PKIA: variants seen among roughly 807,000 people sequenced by gnomAD.
PKIA encodes PKI-alpha.
PKIA carries 4 observed loss-of-function variants against 7.6 expected under a neutral mutation model. The ratio of observed to expected loss-of-function variants is 0.52; its 90% CI spans 0.26 to 1.20. The LOEUF is 1.20. Ranked by LOEUF, PKIA falls within the 50% of genes most tolerant of loss-of-function variation. PKIA has a pLI of 0.13. For missense variants in PKIA, 73 were observed against 86.2 expected (o/e 0.85, Z 0.61); for synonymous variants, 21 against 30.7 (o/e 0.68, Z 1.04).
intron 2 of PKIA, among the ~76,000 whole-genome samples, chr8:78,596,428 C>CG (rs113714470): frequency 0.081 from 12,347 of 151,874 alleles, 534 homozygotes; most frequent in Middle Eastern, 0.096. Flanking sequence ...TTAGTAGAGA[C>CG]GGATTTCACC....
At chr8:78,593,838 G>A (rs1049245928) in intron 2 of PKIA, among the ~76,000 whole-genome samples, 1 of 152,104 alleles carries the variant, frequency 6.6e-6, no homozygotes, top group African/African-American at 2.4e-5. Flanking sequence ...GAATTATCTG[G>A]TACTCAGGTC....
intron 1 of PKIA, among the ~76,000 whole-genome samples, chr8:78,572,573 AAT>A (rs1315840492): frequency 2.0e-5 from 3 of 151,194 alleles, no homozygotes; most frequent in African/African-American, 7.3e-5. Flanking sequence ...ACACACACAC[AAT>A]TAATTAACAA....
At position 78,552,269 on chromosome 8, in the gene PKIA, A is replaced by C. The variant is rs190717083; in HGVS notation, c.-156-20542A>C. On this transcript the variant is annotated intron_variant, in intron 1 of 3. Coordinates refer to ENST00000396418, the MANE Select transcript of PKIA (RefSeq NM_006823.4). ...AATCTACTGAATAAAAGAAATATCT[A>C]TTTTTCTAACAATTCTTTGAAATCC... 3.4e-5 allele frequency among the ~76,000 whole-genome samples: 5 copies of C among 148,460 alleles called. No individual in the cohort carries two copies. The Admixed American group carries it at 3.4e-4, about 10-fold the overall frequency.
chr8:78,588,208 A>C (rs1280074411), intron 2 of PKIA, among the ~76,000 whole-genome samples: 2 of 152,214 alleles, frequency 1.3e-5, no homozygotes, highest in Admixed American at 6.5e-5. Context: ...CAATAGGAGA[A>C]TACCAAGAGC....
intron 1 of PKIA, among the ~76,000 whole-genome samples, chr8:78,527,753 G>T (rs1185311180): frequency 6.6e-6 from 1 of 151,938 alleles, no homozygotes; most frequent in Non-Finnish European, 1.5e-5. Context: ...CAACAATATA[G>T]TTGCCTTTCA....
At chr8:78,553,725 T>C (rs565168391) in intron 1 of PKIA, among the ~76,000 whole-genome samples, 5 of 125,410 alleles carry the variant, frequency 4.0e-5, no homozygotes, top group Non-Finnish European at 8.3e-5. Context: ...CACTCTATTT[T>C]AAAACAACTG....
At chr8:78,540,357 A>G (rs909541389) in intron 1 of PKIA, among the ~76,000 whole-genome samples, 1 of 152,074 alleles carries the variant, frequency 6.6e-6, no homozygotes. Context: ...AGACATAAAT[A>G]TATATCCACA....
chr8:78,584,627 C>T (rs1807905078), intron 2 of PKIA, among the ~76,000 whole-genome samples: 2 of 151,948 alleles, frequency 1.3e-5, no homozygotes, highest in South Asian at 4.1e-4. Context: ...ATGCATAATG[C>T]TGGAATAAAA....
chr8:78,548,860 T>G (rs1394137900), intron 1 of PKIA, among the ~76,000 whole-genome samples: 1 of 152,058 alleles, frequency 6.6e-6, no homozygotes, highest in Non-Finnish European at 1.5e-5. Context: ...ATAAAAGATA[T>G]AATTATAAAA....
intron 1 of PKIA, among the ~76,000 whole-genome samples, chr8:78,529,940 A>T (rs918530335): frequency 6.6e-6 from 1 of 151,982 alleles, no homozygotes; most frequent in Non-Finnish European, 1.5e-5. Context: ...GAACTGCGTA[A>T]AAAGAAATTC....
In PKIA at chr8:78,569,526, T is replaced by G. The variant is rs112587742; in HGVS notation, c.-156-3285T>G. ...TTGCTACACCCCAATATAGGGGAGCTTCCTTCTAAAAATAATAAGTTAAAA... is the reference window on the plus strand; with the variant it reads ...TTGCTACACCCCAATATAGGGGAGCGTCCTTCTAAAAATAATAAGTTAAAA... On this transcript the variant is annotated intron_variant, in intron 1 of 3. Transcript: ENST00000396418. 1.8e-3 allele frequency among the ~76,000 whole-genome samples: 274 copies of G among 152,264 alleles called. 4 individuals carry two copies. Among genetic ancestry groups the G allele is most frequent in the Middle Eastern group, 6.8e-3 (2 of 294 alleles).
intron 1 of PKIA, among the ~76,000 whole-genome samples, chr8:78,565,610 T>C (rs1035832789): frequency 5.9e-5 from 9 of 151,960 alleles, no homozygotes; most frequent in Admixed American, 2.0e-4. Context: ...GCAGTGCTCT[T>C]GCTATTTCTC....
At chr8:78,573,306 T>C (rs1229252635) in intron 2 of PKIA, among the ~76,000 whole-genome samples, 1 of 151,988 alleles carries the variant, frequency 6.6e-6, no homozygotes, top group Non-Finnish European at 1.5e-5. Context: ...ATGAAAATTA[T>C]GGGTCATGAT....
chr8:78,568,481 G>A (rs569050401), intron 1 of PKIA, among the ~76,000 whole-genome samples: 6 of 152,202 alleles, frequency 3.9e-5, no homozygotes, highest in Admixed American at 6.5e-5. Flanking sequence ...ATAAGATGGA[G>A]TGGCTGCATT....
chr8:78,574,015 A>G (rs539575798), intron 2 of PKIA, among the ~76,000 whole-genome samples: 2 of 152,082 alleles, frequency 1.3e-5, no homozygotes, highest in South Asian at 4.1e-4. Flanking sequence ...CTTATCCTTT[A>G]CATTTAGGCA....
At chr8:78,524,042 ATATAAATATATATAAACATTTATATT>A (rs1809482060) in intron 1 of PKIA, among the ~76,000 whole-genome samples, 1 of 133,900 alleles carries the variant, frequency 7.5e-6, no homozygotes, top group African/African-American at 2.7e-5. Context: ...ACGTTTATAT[ATATAAATATATATAAACATTTATATT>A]TATATATAAA....
chr8:78,601,862 A>T lies in PKIA; in HGVS notation c.*41A>T, dbSNP rs1305786447. ...CTCGACCACACCTGAAAATGTCTCAAATCTCCAGGAGTATCTGGAATGCAT... is the reference window on the plus strand; with the variant it reads ...CTCGACCACACCTGAAAATGTCTCATATCTCCAGGAGTATCTGGAATGCAT... On this transcript the variant is annotated 3_prime_UTR_variant, in exon 4 of 4. Coordinates refer to ENST00000396418, the MANE Select transcript of PKIA (RefSeq NM_006823.4). The T allele has an allele frequency of 7.0e-7, 1 of 1,427,278 alleles. No homozygotes were observed. Among genetic ancestry groups the T allele is most frequent in the Non-Finnish European group, 9.9e-7 (1 of 1,013,222 alleles). The allele number at this position is 1,427,278 out of a possible 1,614,324, so 88.4% of individuals were successfully genotyped here. A position where few individuals can be genotyped will look rare whatever the true frequency, so the allele number is the denominator to read the frequency against.
chr8:78,548,252 T>G (rs1286780244), intron 1 of PKIA, among the ~76,000 whole-genome samples: 2 of 152,092 alleles, frequency 1.3e-5, no homozygotes, highest in African/African-American at 2.4e-5. Context: ...AATTAGGGAA[T>G]ATGTGAGTGA....
chr8:78,531,977 C>T (rs1585871243), intron 1 of PKIA, among the ~76,000 whole-genome samples: 1 of 152,142 alleles, frequency 6.6e-6, no homozygotes, highest in East Asian at 1.9e-4. Flanking sequence ...TTAGTAATAA[C>T]CATAATTGTA....
Sources: gnomAD v4.1 joint callset for allele counts (sites outside exome capture counted in the v4.1 genomes callset) on GRCh38, gnomAD v4.1.1 for gene constraint, MANE v1.5 for transcripts, NCBI Gene and HGNC (gene_info 2026-07-23, HGNC 2026-07-21) for gene names.